Variants in MTAP observed in about 807,000 individuals in gnomAD.
The protein encoded by MTAP is methylthioadenosine phosphorylase, also known as S-methyl-5'-thioadenosine phosphorylase.
Under a neutral mutation model 33.6 loss-of-function variants are expected in MTAP, and 33 were observed. The observed-to-expected ratio is 0.98, with a 90% CI of 0.74 to 1.31. The LOEUF (loss-of-function observed/expected upper bound fraction) is 1.31, where lower values mean the gene tolerates loss of function less well. MTAP is among the 40% of genes most tolerant of loss of function. The pLI, the probability that MTAP is intolerant of heterozygous loss-of-function variation, is 0.00. For missense variants in MTAP, 367 were observed against 360.0 expected (o/e 1.02, Z -0.16); for synonymous variants, 148 against 125.7 (o/e 1.18, Z -1.19).
intron 4 of MTAP, among the ~76,000 whole-genome samples, chr9:21,825,613 G>A (rs767737586): frequency 5.9e-4 from 90 of 152,194 alleles, no homozygotes; most frequent in Non-Finnish European, 1.2e-3. Flanking sequence ...TGAAGCAAGA[G>A]GATTGCTTGA....
intron 1 of MTAP, among the ~76,000 whole-genome samples, chr9:21,875,119 A>C (rs921118218): frequency 6.6e-6 from 1 of 152,134 alleles, no homozygotes; most frequent in African/African-American, 2.4e-5. Flanking sequence ...TACTCTTGTG[A>C]ATAGTGCCGC....
chr9:21,821,815 T>C (rs1052862558), intron 4 of MTAP, among the ~76,000 whole-genome samples: 1 of 152,254 alleles, frequency 6.6e-6, no homozygotes, highest in Non-Finnish European at 1.5e-5. Context: ...CTGTTTGTTA[T>C]TGGTCTATTC....
rs1010957926 is a variant in MTAP at position 21,861,892 on chromosome 9, A to G, written c.814-84A>G. On this transcript the variant is annotated intron_variant, in intron 7 of 7. Coordinates refer to ENST00000644715, the MANE Select transcript of MTAP (RefSeq NM_002451.4). ...CCTGCGTCCTCACTTTGATCTAGAA[A>G]ATCAAAATCTGTTTTTTTTTTTAAC... 33 of 905,538 alleles carry G rather than the reference A, an allele frequency of 3.6e-5. No homozygotes were observed. The African/African-American group carries it at 4.2e-4, about 11-fold the overall frequency. The allele number at this position is 905,538 out of a possible 1,614,324, so 56.1% of individuals were successfully genotyped here. A position where few individuals can be genotyped will look rare whatever the true frequency, so the allele number is the denominator to read the frequency against.
chr9:21,827,806 A>T (rs1022785879), intron 4 of MTAP, among the ~76,000 whole-genome samples: 1 of 152,166 alleles, frequency 6.6e-6, no homozygotes, highest in Non-Finnish European at 1.5e-5. Context: ...TCAAAATCTC[A>T]ATGGCTGTCA....
At chr9:21,819,884 A>C (rs1358192765) in intron 4 of MTAP, among the ~76,000 whole-genome samples, 2 of 152,186 alleles carry the variant, frequency 1.3e-5, no homozygotes, top group Admixed American at 6.5e-5. Flanking sequence ...CATTTCTCTG[A>C]TGGCCAGTGA....
At chr9:21,855,678 C>T (rs1825625729) in intron 6 of MTAP, among the ~76,000 whole-genome samples, 1 of 152,102 alleles carries the variant, frequency 6.6e-6, no homozygotes, top group South Asian at 2.1e-4. Flanking sequence ...TTTGAGGACA[C>T]TGGAACAATG....
At chr9:21,916,932 G>T (rs1266594100) in intron 1 of MTAP, among the ~76,000 whole-genome samples, 1 of 152,214 alleles carries the variant, frequency 6.6e-6, no homozygotes, top group African/African-American at 2.4e-5. Context: ...TGTTATTTAG[G>T]TGAGAAATAG....
At position 21,866,276 on chromosome 9, in the gene MTAP, G is replaced by A. The variant is rs1398748592; in HGVS notation, c.*4262G>A. The A allele has an allele frequency of 2.0e-5, 3 of 152,022 alleles. No individual in the cohort carries two copies. Among genetic ancestry groups the A allele is most frequent in the Non-Finnish European group, 4.4e-5 (3 of 68,004 alleles). The allele number at this position is 152,022 out of a possible 1,614,324, so 9.4% of individuals were successfully genotyped here. A position where few individuals can be genotyped will look rare whatever the true frequency, so the allele number is the denominator to read the frequency against. On this transcript the variant is annotated 3_prime_UTR_variant, in exon 8 of 8. Transcript: ENST00000644715. ...ATAGTAAGAATTGTTTATATATTCT[G>A]GATACACTCTTTTTCAGATATGTGT...
intron 4 of MTAP, among the ~76,000 whole-genome samples, chr9:21,829,495 G>A (rs1052455295): frequency 6.0e-5 from 9 of 149,986 alleles, no homozygotes; most frequent in Non-Finnish European, 1.3e-4. Context: ...ATGCAATCTC[G>A]GCTCACTGCA....
intron 1 of MTAP, among the ~76,000 whole-genome samples, chr9:21,904,455 C>T (rs1486456174): frequency 2.0e-5 from 3 of 152,132 alleles, no homozygotes; most frequent in Admixed American, 6.5e-5. Flanking sequence ...GGACCATGCT[C>T]TTCCCTTCCC....
intron 1 of MTAP, among the ~76,000 whole-genome samples, chr9:21,911,290 C>G (rs1368045972): frequency 6.6e-6 from 1 of 152,178 alleles, no homozygotes. Context: ...TAATAGACAT[C>G]TACAGAACTC....
chr9:21,910,967 C>T (rs566558433), intron 1 of MTAP, among the ~76,000 whole-genome samples: 1 of 152,110 alleles, frequency 6.6e-6, no homozygotes. Context: ...CAAAAAAAGG[C>T]AGGGGTTGCA....
At chr9:21,937,268 G>T (rs1399511654) in exon 8 of MTAP, 1 of 152,108 alleles carries the variant, frequency 6.6e-6, no homozygotes, top group Non-Finnish European at 1.5e-5. Context: ...GAACCCAGGA[G>T]GCAGAGGTTG....
chr9:21,813,036 C>G (rs1234008726), intron 1 of MTAP, among the ~76,000 whole-genome samples: 1 of 152,230 alleles, frequency 6.6e-6, no homozygotes, highest in African/African-American at 2.4e-5. Context: ...AGTCCACAGA[C>G]ACAGTTACTT....
chr9:21,811,056 G>A (rs748757382), intron 1 of MTAP, among the ~76,000 whole-genome samples: 14 of 152,240 alleles, frequency 9.2e-5, no homozygotes, highest in Non-Finnish European at 1.9e-4. Context: ...CTAAAGGACT[G>A]CAGTGCTCAG....
chr9:21,831,180 A>G (rs116405924), intron 4 of MTAP, among the ~76,000 whole-genome samples: 108 of 152,268 alleles, frequency 7.1e-4, no homozygotes, highest in African/African-American at 1.8e-3. Flanking sequence ...GCCATTAAAG[A>G]TACATGGACA....
intron 5 of MTAP, among the ~76,000 whole-genome samples, chr9:21,852,766 T>A (rs1330286871): frequency 6.6e-6 from 1 of 151,886 alleles, no homozygotes; most frequent in Admixed American, 6.6e-5. Flanking sequence ...GTGGTTTTCC[T>A]TGTACTATTT....
chr9:21,931,021 A>G lies in MTAP; in HGVS notation c.161A>G (p.Gln54Arg), dbSNP rs73652803. ...TCTCACCTTTAGATGATCAAGTTCC[A>G]GATGATCCTCAGTGAGGGATACCAT... Residue 54 changes from glutamine (Q) to arginine (R), a missense_variant, in exon 2 of 2, where the codon CAG becomes CGG. Gln to Arg is a conservative substitution (Grantham distance 43). Transcript: ENST00000577563. 1,094 of 763,732 alleles carry G rather than the reference A, an allele frequency of 1.4e-3. 3 individuals carry two copies. The African/African-American group carries it at 0.015, about 10-fold the overall frequency. 47.3% of individuals were successfully genotyped at this position (763,732 alleles called of 1,614,324 possible). A position where few individuals can be genotyped will look rare whatever the true frequency, so the allele number is the denominator to read the frequency against.
rs192638509 is a variant in MTAP, at chr9:21,836,254, G to C, written c.348-1654G>C. Among the ~76,000 whole-genome samples the C allele has an allele frequency of 2.7e-3, 416 of 152,302 alleles. 1 individual carries two copies. Among genetic ancestry groups the C allele is most frequent in the African/African-American group, 9.5e-3 (394 of 41,554 alleles). ...AGTCCACATAGCTAGTAGTTAGGGA[G>C]CTTTGTTGAGAAAGAAAAATGCATG... On this transcript the variant is annotated intron_variant, in intron 4 of 7. Transcript: ENST00000644715.
Sources: allele counts gnomAD v4.1 joint callset (sites outside exome capture counted in the v4.1 genomes callset), GRCh38; gene constraint gnomAD v4.1.1; transcripts MANE v1.5; gene names NCBI Gene and HGNC (gene_info 2026-07-23, HGNC 2026-07-21).